DEAF1: variants seen among roughly 807,000 people sequenced by gnomAD.
DEAF1 encodes DEAF1 transcription factor, also known as deformed epidermal autoregulatory factor 1 homolog.
In DEAF1, 53 loss-of-function variants were observed where a neutral mutation model predicts 58.9. The observed-to-expected ratio is 0.90, with a 90% CI of 0.72 to 1.13. DEAF1 has a LOEUF of 1.13. Ranked by LOEUF, DEAF1 falls within the 50% of genes most tolerant of loss-of-function variation. The pLI is 0.00. For missense variants in DEAF1, 685 were observed against 791.4 expected (o/e 0.87, Z 1.61); for synonymous variants, 385 against 340.4 (o/e 1.13, Z -1.44).
chr11:647,254 G>A (rs1858540631), intron 11 of DEAF1, among the ~76,000 whole-genome samples: 1 of 152,132 alleles, frequency 6.6e-6, no homozygotes, highest in African/African-American at 2.4e-5. Context: ...AGGAGTTCAA[G>A]ACCAGCCTGA....
At position 691,586 on chromosome 11, in the gene DEAF1, ACT is replaced by A. The variant is rs777811134; in HGVS notation, c.300_301del (p.Val101AspfsTer31). The stretch of plus-strand genomic sequence containing the variant: ...AGCAGCCCCCACGTTGGCCACTGTC[ACT>A]GTGGTCACCTCTGCAACAGAAGGAG... On this transcript the variant is annotated frameshift_variant, in exon 2 of 12. Coordinates refer to ENST00000382409, the MANE Select transcript of DEAF1 (RefSeq NM_021008.4). LOFTEE classifies it high-confidence loss of function. 1.2e-6 allele frequency: 2 copies of A among 1,613,522 alleles called. No individual in the cohort carries two copies. The highest frequency in any genetic ancestry group is 8.5e-7 in the Non-Finnish European group (1 of 1,179,970).
At chr11:687,320 C>T (rs1339013695) in intron 4 of DEAF1, among the ~76,000 whole-genome samples, 3 of 152,262 alleles carry the variant, frequency 2.0e-5, no homozygotes, top group African/African-American at 4.8e-5. Context: ...TTGAGGAACA[C>T]GTCCCAGCCC....
At chr11:678,671 T>C (rs774282597) in intron 9 of DEAF1, 23 bp downstream of exon 9, 3 of 1,613,534 alleles carry the variant, frequency 1.9e-6, no homozygotes, top group Admixed American at 1.7e-5. Context: ...AACCTGTACA[T>C]GTGTGAATTC....
intron 10 of DEAF1, among the ~76,000 whole-genome samples, chr11:662,679 G>C (rs1385099698): frequency 6.6e-6 from 1 of 152,162 alleles, no homozygotes. Flanking sequence ...TGATCTCAAA[G>C]AAATCTCCAC....
intron 1 of DEAF1, among the ~76,000 whole-genome samples, chr11:701,559 C>T (rs543672365): frequency 2.8e-4 from 43 of 151,692 alleles, no homozygotes; most frequent in South Asian, 8.4e-4. Context: ...TACAGGTGCC[C>T]GCCACCACGC....
intron 5 of DEAF1, among the ~76,000 whole-genome samples, chr11:686,494 T>A (rs1421595636): frequency 6.6e-6 from 1 of 152,188 alleles, no homozygotes; most frequent in African/African-American, 2.4e-5. Context: ...GACGAGAAGT[T>A]AGGTGACTTT....
In DEAF1 at chr11:688,901, C is replaced by T. The variant is rs1325537190; in HGVS notation, c.388-441G>A. Among the ~76,000 whole-genome samples the T allele has an allele frequency of 1.3e-5, 2 of 152,194 alleles. No homozygotes were observed. Among genetic ancestry groups the T allele is most frequent in the Non-Finnish European group, 2.9e-5 (2 of 68,040 alleles). On this transcript the variant is annotated intron_variant, in intron 2 of 11. Transcript: ENST00000382409. The surrounding 1 kb of genome is among the most constrained non-coding windows in gnomAD (Gnocchi z 4.3). ...CCAGGGCCTCAAAACCACATTTCCACACTGGCTGAAGCTGCTGCAACTGCT... is the reference window on the plus strand; with the variant it reads ...CCAGGGCCTCAAAACCACATTTCCATACTGGCTGAAGCTGCTGCAACTGCT...
chr11:698,643 C>G (rs546375917), upstream of DEAF1, among the ~76,000 whole-genome samples: 2 of 152,276 alleles, frequency 1.3e-5, no homozygotes, highest in South Asian at 4.1e-4. Flanking sequence ...TACTCGCTGT[C>G]TCCAGCCTCA....
At chr11:672,764 C>T (rs1050773354) in intron 10 of DEAF1, among the ~76,000 whole-genome samples, 1 of 152,082 alleles carries the variant, frequency 6.6e-6, no homozygotes, top group Non-Finnish European at 1.5e-5. Context: ...AGGAGAATCA[C>T]TTGAACCCGG....
chr11:695,432 G>T (rs1348397211), upstream of DEAF1: 3 of 445,432 alleles, frequency 6.7e-6, no homozygotes, highest in Non-Finnish European at 1.1e-5. Context: ...AGGCTGAGGC[G>T]GCTGTCGTCC....
At chr11:678,549 G>T (rs1464625173) in intron 9 of DEAF1, 145 bp downstream of exon 9, 1 of 1,174,612 alleles carries the variant, frequency 8.5e-7, no homozygotes, top group Non-Finnish European at 1.3e-6. Flanking sequence ...TAGGCAGTGG[G>T]CCACACTTTA....
At chr11:687,380 T>C (rs1305181132) in intron 4 of DEAF1, among the ~76,000 whole-genome samples, 1 of 152,224 alleles carries the variant, frequency 6.6e-6, no homozygotes, top group Admixed American at 6.5e-5. Flanking sequence ...TGGGTCACGA[T>C]GGCTTTTCAC....
chr11:695,341 A>G (rs1275878629), upstream of DEAF1: 1 of 442,212 alleles, frequency 2.3e-6, no homozygotes, highest in African/African-American at 2.1e-5. Context: ...CCGAAGTGGG[A>G]AGCCGAATCA....
intron 10 of DEAF1, among the ~76,000 whole-genome samples, chr11:657,569 G>T (rs1030639647): frequency 2.0e-5 from 3 of 152,198 alleles, no homozygotes; most frequent in African/African-American, 7.2e-5. Context: ...CCGTGGACTT[G>T]CTGCCTGACT....
Position 674,770 on chromosome 11 carries a change from C to T in DEAF1, c.1269G>A (p.Leu423=), listed in dbSNP as rs1159538795. 19 of 1,612,188 alleles carry T rather than the reference C, an allele frequency of 1.2e-5. No homozygotes were observed. Among genetic ancestry groups the T allele is most frequent in the Non-Finnish European group, 1.5e-5 (18 of 1,180,024 alleles). The change falls in exon 10 of 12, where the codon CTG becomes CTA. Residue 423 remains leucine, a synonymous_variant. Coordinates refer to ENST00000382409, the MANE Select transcript of DEAF1 (RefSeq NM_021008.4). The stretch of plus-strand genomic sequence containing the variant: ...TCGGGGGTGGGACCGCCAGCGCAGG[C>T]AGGGATGTCAACACTAGAGCATTTG... ...TSHPKIVLTS[L]PALAVPPPTP...
intron 1 of DEAF1, chr11:703,791 T>G (rs1346162435): frequency 1.6e-6 from 2 of 1,233,022 alleles, no homozygotes; most frequent in Non-Finnish European, 2.0e-6. Context: ...GCCACACTTC[T>G]CCCTTCAGGG....
chr11:681,407 CTTTCTT>C (rs1456033075), intron 6 of DEAF1, among the ~76,000 whole-genome samples: 144 of 107,328 alleles, frequency 1.3e-3, no homozygotes, highest in African/African-American at 2.6e-3. Context: ...AATTTTCTTT[CTTTCTT>C]TTTTTTTTTT....
intron 10 of DEAF1, among the ~76,000 whole-genome samples, chr11:654,863 C>T (rs565089182): frequency 4.7e-5 from 7 of 149,696 alleles, no homozygotes; most frequent in Non-Finnish European, 7.4e-5. Context: ...AGCGAGACTC[C>T]CATCTCAAAA....
At chr11:651,610 ACG>A (rs1858776005) in intron 11 of DEAF1, among the ~76,000 whole-genome samples, 1 of 151,972 alleles carries the variant, frequency 6.6e-6, no homozygotes, top group Non-Finnish European at 1.5e-5. Flanking sequence ...TCAGCTGGGC[ACG>A]GTGGCTCACG....
Sources: gnomAD v4.1 joint callset for allele counts (sites outside exome capture counted in the v4.1 genomes callset) on GRCh38, gnomAD v4.1.1 for gene constraint, Gnocchi (gnomAD v3.1) non-coding constraint, MANE v1.5 for transcripts, NCBI Gene and HGNC (gene_info 2026-07-23, HGNC 2026-07-21) for gene names.